Variants in PPP2R2C observed in about 807,000 individuals in gnomAD.
PPP2R2C encodes the protein protein phosphatase 2 regulatory subunit Bgamma.
PPP2R2C carries 10 observed loss-of-function variants against 45.3 expected under a neutral mutation model. The ratio of observed to expected loss-of-function variants is 0.22; its 90% CI spans 0.14 to 0.37. The LOEUF (loss-of-function observed/expected upper bound fraction) is 0.37. Ranked by LOEUF, PPP2R2C falls within the 10% of genes least tolerant of loss-of-function variation. The probability of loss-of-function intolerance (pLI) is 1.00; values close to 1 mark genes in which losing one functional copy is unlikely to be tolerated. For missense variants in PPP2R2C, 308 were observed against 619.7 expected (o/e 0.50, Z 5.34); for synonymous variants, 257 against 245.4 (o/e 1.05, Z -0.44).
At chr4:6,523,904 T>C (rs1724107256) in intron 2 of PPP2R2C, among the ~76,000 whole-genome samples, 1 of 151,774 alleles carries the variant, frequency 6.6e-6, no homozygotes, top group Non-Finnish European at 1.5e-5. Context: ...GGAATGAAGT[T>C]TTGTTTTTGT....
At chr4:6,416,434 G>A (rs969529799) in intron 1 of PPP2R2C, among the ~76,000 whole-genome samples, 18 of 152,172 alleles carry the variant, frequency 1.2e-4, no homozygotes, top group Non-Finnish European at 2.1e-4. Flanking sequence ...CACAACCTGC[G>A]GATGTCCCTC....
intron 1 of PPP2R2C, among the ~76,000 whole-genome samples, chr4:6,467,361 C>T (rs1721649123): frequency 6.6e-6 from 1 of 152,016 alleles, no homozygotes; most frequent in Non-Finnish European, 1.5e-5. Context: ...GAATAGACAT[C>T]ATCACTTACT....
chr4:6,368,728 C>A lies in PPP2R2C; in HGVS notation c.625+3795G>T, dbSNP rs1714549721. 1.3e-5 allele frequency among the ~76,000 whole-genome samples: 2 copies of A among 152,164 alleles called. No individual in the cohort carries two copies. Reference sequence around the variant, plus strand: ...ATCTCATTCCTCCACCGCCTCCCACCCGTGGCCACGCTCTGGCCCTGCCTC... The same window carrying A: ...ATCTCATTCCTCCACCGCCTCCCACACGTGGCCACGCTCTGGCCCTGCCTC... On this transcript the variant is annotated intron_variant, in intron 5 of 8. Transcript: ENST00000382599. This position sits in a 1 kb window ranked among gnomAD's most constrained non-coding sequence, Gnocchi z 4.2.
chr4:6,489,536 A>G lies in PPP2R2C; in HGVS notation c.49+45735T>C, dbSNP rs537946313. 7.9e-5 allele frequency among the ~76,000 whole-genome samples: 12 copies of G among 152,328 alleles called. No homozygotes were observed. In the South Asian group the frequency reaches 1.2e-3, roughly 16 times the overall value. ...TTTCATACCCTGCCTGTCAGTAAAGAGTGGGAGCATCCTTGCAACAAACTT... is the reference window on the plus strand; with the variant it reads ...TTTCATACCCTGCCTGTCAGTAAAGGGTGGGAGCATCCTTGCAACAAACTT... On this transcript the variant is annotated intron_variant, in intron 2 of 9. Transcript: ENST00000506140.
At chr4:6,504,881 A>G in intron 2 of PPP2R2C, among the ~76,000 whole-genome samples, 1 of 152,206 alleles carries the variant, frequency 6.6e-6, no homozygotes, top group South Asian at 2.1e-4. Flanking sequence ...GCACAAAAGT[A>G]TAACAATGGC....
At position 6,378,281 on chromosome 4, in the gene PPP2R2C, G is replaced by T. The variant is rs1201997900; in HGVS notation, c.334+126C>A. ...TGGGATTTATATGCTGCTCAAAAAG[G>T]ATATTATTTTCTAGGCGTTCTGAAG... is the stretch of plus-strand genomic sequence containing the variant. On this transcript the variant is annotated intron_variant, in intron 3 of 8. Transcript: ENST00000382599. The surrounding 1 kb of genome is among the most constrained non-coding windows in gnomAD (Gnocchi z 5.2). 3.3e-6 allele frequency: 5 copies of T among 1,531,562 alleles called. No individual in the cohort carries two copies. Among genetic ancestry groups the T allele is most frequent in the African/African-American group, 1.4e-5 (1 of 72,766 alleles). The allele number at this position is 1,531,562 out of a possible 1,614,324, so 94.9% of individuals were successfully genotyped here.
intron 2 of PPP2R2C, among the ~76,000 whole-genome samples, chr4:6,507,524 G>A (rs928861281): frequency 6.6e-6 from 1 of 152,250 alleles, no homozygotes; most frequent in Non-Finnish European, 1.5e-5. Flanking sequence ...TGTGGAGTGA[G>A]AGGCCGAGCC....
At chr4:6,452,845 C>T (rs749590302) in intron 1 of PPP2R2C, among the ~76,000 whole-genome samples, 31 of 152,200 alleles carry the variant, frequency 2.0e-4, no homozygotes, top group Admixed American at 7.2e-4. Context: ...CACAGGGATG[C>T]TGGGGACCAG....
intron 1 of PPP2R2C, among the ~76,000 whole-genome samples, chr4:6,403,991 C>T (rs535478805): frequency 1.3e-5 from 2 of 152,314 alleles, no homozygotes; most frequent in South Asian, 4.1e-4. Context: ...CCTCTCTCTC[C>T]AACCTGCCAC....
At chr4:6,489,892 A>C (rs1041081231) in intron 2 of PPP2R2C, among the ~76,000 whole-genome samples, 1 of 152,182 alleles carries the variant, frequency 6.6e-6, no homozygotes, top group East Asian at 1.9e-4. Context: ...GGATGGTGTA[A>C]CTTTTTACCC....
intron 5 of PPP2R2C, among the ~76,000 whole-genome samples, chr4:6,358,366 C>A (rs949460603): frequency 2.0e-5 from 3 of 152,006 alleles, no homozygotes; most frequent in African/African-American, 7.3e-5. Flanking sequence ...AATGTTAGAC[C>A]TAAAACCAGA....
At chr4:6,337,112 GTATA>G (rs61657951) in intron 6 of PPP2R2C, among the ~76,000 whole-genome samples, 562 of 30,042 alleles carry the variant, frequency 0.019, 14 homozygotes, top group East Asian at 0.033. Context: ...ATGTGTGTGT[GTATA>G]TATATATATA....
chr4:6,405,447 A>G (rs1238845188), intron 1 of PPP2R2C, among the ~76,000 whole-genome samples: 1 of 152,254 alleles, frequency 6.6e-6, no homozygotes, highest in East Asian at 1.9e-4. Context: ...GAAGGGATGA[A>G]CAGACCACAG....
chr4:6,460,095 GA>G (rs1680926953), intron 1 of PPP2R2C, among the ~76,000 whole-genome samples: 1 of 152,114 alleles, frequency 6.6e-6, no homozygotes. Context: ...AAAATACATA[GA>G]AGAAGCATGT....
At chr4:6,356,435 T>C (rs1713197330) in intron 5 of PPP2R2C, among the ~76,000 whole-genome samples, 1 of 152,176 alleles carries the variant, frequency 6.6e-6, no homozygotes, top group African/African-American at 2.4e-5. Context: ...GGGACTCAGT[T>C]GGGCTCCAGA....
chr4:6,470,188 G>T (rs924601956), intron 1 of PPP2R2C, among the ~76,000 whole-genome samples: 1 of 152,190 alleles, frequency 6.6e-6, no homozygotes, highest in African/African-American at 2.4e-5. Context: ...AGACCTCAAG[G>T]TCATATAGCT....
intron 1 of PPP2R2C, among the ~76,000 whole-genome samples, chr4:6,429,805 C>A (rs1464755868): frequency 6.6e-6 from 1 of 152,100 alleles, no homozygotes; most frequent in Non-Finnish European, 1.5e-5. Context: ...CCCATCGTTG[C>A]CAGAAAGAAC....
At chr4:6,434,181 C>T (rs977754420) in intron 1 of PPP2R2C, among the ~76,000 whole-genome samples, 4 of 152,134 alleles carry the variant, frequency 2.6e-5, no homozygotes, top group East Asian at 1.9e-4. Context: ...TCTACATCAG[C>T]GCACCCTGAG....
At chr4:6,519,714 C>G (rs1006971589) in intron 2 of PPP2R2C, among the ~76,000 whole-genome samples, 4 of 152,156 alleles carry the variant, frequency 2.6e-5, no homozygotes, top group African/African-American at 9.7e-5. Flanking sequence ...GAGGAGCTAA[C>G]AGGGAGAGGG....
Sources: gnomAD v4.1 joint callset for allele counts (sites outside exome capture counted in the v4.1 genomes callset) on GRCh38, gnomAD v4.1.1 for gene constraint, Gnocchi (gnomAD v3.1) non-coding constraint, MANE v1.5 for transcripts, NCBI Gene and HGNC (gene_info 2026-07-23, HGNC 2026-07-21) for gene names.